The following COPA variants were observed in gnomAD, a reference collection of about 807,000 sequenced individuals.
The protein encoded by COPA is coat protein complex I subunit alpha.
Under a neutral mutation model 158.7 loss-of-function variants are expected in COPA, and 10 were observed. The observed-to-expected ratio is 0.06, with a 90% CI of 0.04 to 0.11. COPA has a LOEUF of 0.11. COPA is among the 10% of genes least tolerant of loss of function. The probability of loss-of-function intolerance (pLI) is 1.00; values close to 1 mark genes in which losing one functional copy is unlikely to be tolerated. For synonymous variants in COPA, 462 were observed against 542.8 expected, an observed-to-expected ratio of 0.85 and a Z score of 2.07; for missense variants, 1,065 against 1,536.7, an observed-to-expected ratio of 0.69 and a Z score of 5.13.
At chr1:160,341,716 T>C (rs1388438741) in intron 1 of COPA, among the ~76,000 whole-genome samples, 1 of 152,236 alleles carries the variant, frequency 6.6e-6, no homozygotes, top group East Asian at 1.9e-4. Flanking sequence ...AACTTTTTTT[T>C]TCTTGCATTT....
At chr1:160,323,591 G>C (rs2101860388) in intron 7 of COPA, 61 bp from the exon 8 acceptor site, 2 of 1,277,960 alleles carry the variant, frequency 1.6e-6, no homozygotes, top group East Asian at 5.1e-5. Flanking sequence ...GCAAACCAAT[G>C]AATCAAGCTA....
chr1:160,305,901 A>G lies in COPA; in HGVS notation c.1443-128T>C, dbSNP rs115184214. The G allele has an allele frequency of 4.6e-3, 3,597 of 777,080 alleles. 88 individuals carry two copies. The African/African-American group carries it at 0.055, about 12-fold the overall frequency. The allele number at this position is 777,080 out of a possible 1,614,324, so 48.1% of individuals were successfully genotyped here. A position where few individuals can be genotyped will look rare whatever the true frequency, so the allele number is the denominator to read the frequency against. The stretch of plus-strand genomic sequence containing the variant: ...CTTAATGTAATTCTAATTACATAAA[A>G]TACTTAATGTAATTCCTACATAGTA... On this transcript the variant is annotated intron_variant, in intron 15 of 32. Transcript: ENST00000241704.
At chr1:160,330,346 G>A (rs144324112) in intron 6 of COPA, among the ~76,000 whole-genome samples, 27 of 152,334 alleles carry the variant, frequency 1.8e-4, no homozygotes, top group South Asian at 2.1e-4. Context: ...AGCTCCTCCT[G>A]TTGGCATGGC....
chr1:160,315,208 TGAG>T (rs745732919), intron 8 of COPA, among the ~76,000 whole-genome samples: 1 of 152,214 alleles, frequency 6.6e-6, no homozygotes, highest in Non-Finnish European at 1.5e-5. Context: ...AAAGTGAGAC[TGAG>T]GAGGTCAACT....
intron 27 of COPA, 67 bp from the exon 28 acceptor site, chr1:160,292,687 A>T: frequency 7.4e-7 from 1 of 1,347,160 alleles, no homozygotes; most frequent in Non-Finnish European, 1.0e-6. Flanking sequence ...TCCTTGGGCA[A>T]GGTAATTAAT....
At chr1:160,313,900 G>A in intron 9 of COPA, 90 bp downstream of exon 9, 1 of 1,211,278 alleles carries the variant, frequency 8.3e-7, no homozygotes, top group Non-Finnish European at 1.1e-6. Context: ...TCTACATGCT[G>A]AAGATGATGA....
At chr1:160,330,285 TC>T (rs999246030) in intron 6 of COPA, among the ~76,000 whole-genome samples, 8 of 152,148 alleles carry the variant, frequency 5.3e-5, no homozygotes, top group Admixed American at 1.3e-4. Context: ...GATGCTAAGC[TC>T]CCTGGTACTG....
intron 1 of COPA, among the ~76,000 whole-genome samples, chr1:160,341,554 C>G (rs1277577071): frequency 6.6e-6 from 1 of 152,158 alleles, no homozygotes. Flanking sequence ...GTGCACTTAA[C>G]ATTTTAGTAC....
intron 32 of COPA, 98 bp downstream of exon 32, chr1:160,290,394 C>G (rs1658186000): frequency 4.8e-6 from 7 of 1,449,470 alleles, no homozygotes; most frequent in Non-Finnish European, 6.6e-6. Context: ...CCTCAGGGAG[C>G]AGGGGACAAG....
chr1:160,307,677 T>A (rs1372524117), intron 13 of COPA, among the ~76,000 whole-genome samples: 1 of 152,266 alleles, frequency 6.6e-6, no homozygotes, highest in Middle Eastern at 3.4e-3. Flanking sequence ...TAGGGCAGGG[T>A]GAGGCAGAGC....
At position 160,293,187 on chromosome 1, in the gene COPA, G is replaced by C; in HGVS notation, c.2802C>G (p.Gly934=). The C allele has an allele frequency of 6.2e-7, 1 of 1,614,186 alleles. No individual in the cohort carries two copies. Among genetic ancestry groups the C allele is most frequent in the South Asian group, 1.1e-5 (1 of 91,084 alleles). ...SQLPVDHILA[G]SFETAMRLLH... is the part of the protein sequence containing the mutation. ...TTACCCGCATGGCTGTTTCGAAAGA[G>C]CCTGCCAGGATGTGATCAACTGGAA... The change falls in exon 27 of 33, where the codon GGC becomes GGG. Residue 934 remains glycine (G), a synonymous_variant. Transcript: ENST00000241704.
chr1:160,295,792 T>C lies in COPA; in HGVS notation c.2420A>G (p.Asn807Ser), dbSNP rs199630217. 2 of 1,613,594 alleles carry C rather than the reference T, an allele frequency of 1.2e-6. No individual in the cohort carries two copies. The highest frequency in any genetic ancestry group is 1.7e-6 in the Non-Finnish European group (2 of 1,179,888). Residue 807 changes from asparagine (N) to serine (S), a missense_variant, in exon 23 of 33, where the codon AAT (asparagine) becomes AGT (serine). Physicochemically the swap from Asn to Ser is conservative, Grantham distance 46 (BLOSUM62 1). This residue lies in a region of COPA where 980 missense variants were observed against 1,357.8 expected (regional missense o/e 0.72). Coordinates refer to ENST00000241704, the MANE Select transcript of COPA (RefSeq NM_004371.4). ...TTTGGATACAGTCAATAAAGGCCAA[T>C]TGGTATCCAATGGCATGATAGGTGC... ...PPAPIMPLDTNWPLLTVSKGF... is the reference protein window; with the variant it reads ...PPAPIMPLDTSWPLLTVSKGF...
At chr1:160,315,235 T>C (rs1323321995) in intron 8 of COPA, among the ~76,000 whole-genome samples, 1 of 152,150 alleles carries the variant, frequency 6.6e-6, no homozygotes, top group South Asian at 2.1e-4. Flanking sequence ...TTCCCCATCT[T>C]CCTGGGTGCC....
At chr1:160,305,279 G>T in intron 17 of COPA, 154 bp downstream of exon 17, 1 of 635,066 alleles carries the variant, frequency 1.6e-6, no homozygotes, top group Non-Finnish European at 2.6e-6. Flanking sequence ...TAAAAAAGTT[G>T]AAAAAAGAAT....
At chr1:160,305,321 TA>T in intron 17 of COPA, 111 bp downstream of exon 17, 1 of 1,114,960 alleles carries the variant, frequency 9.0e-7, no homozygotes. Context: ...ATATGCCAGG[TA>T]AGGCTTTTCC....
chr1:160,317,129 C>A (rs1397469392), intron 8 of COPA, among the ~76,000 whole-genome samples: 1 of 152,136 alleles, frequency 6.6e-6, no homozygotes, highest in South Asian at 2.1e-4. Flanking sequence ...AATACTGTAC[C>A]CAGCAAGATT....
At chr1:160,319,228 G>A (rs570876686) in intron 8 of COPA, among the ~76,000 whole-genome samples, 3 of 152,102 alleles carry the variant, frequency 2.0e-5, no homozygotes, top group Admixed American at 6.5e-5. Context: ...AAGAGCAGGC[G>A]TAGCTATACT....
At position 160,335,228 on chromosome 1, in the gene COPA, C is replaced by A. The variant is rs776134249; in HGVS notation, c.309+14G>T. 2.5e-6 allele frequency: 4 copies of A among 1,599,988 alleles called. No homozygotes were observed. Among genetic ancestry groups the A allele is most frequent in the Admixed American group, 3.4e-5 (2 of 58,522 alleles). On this transcript the variant is annotated intron_variant, in intron 4 of 32. Transcript: ENST00000241704. ...TAAGAATGCTCCAAAACTAGCGCCACCATGACTACTTACATGATGAAAAAA... is the reference window on the plus strand; with the variant it reads ...TAAGAATGCTCCAAAACTAGCGCCAACATGACTACTTACATGATGAAAAAA...
At chr1:160,293,746 T>G (rs780125986) in intron 25 of COPA, among the ~76,000 whole-genome samples, 9 of 152,128 alleles carry the variant, frequency 5.9e-5, no homozygotes, top group Non-Finnish European at 7.4e-5. Context: ...TCTGCCTGGC[T>G]CAGCCTCCCA....
Sources: allele counts gnomAD v4.1 joint callset (sites outside exome capture counted in the v4.1 genomes callset), GRCh38; gene constraint gnomAD v4.1.1; regional missense constraint gnomAD v4.1.1; transcripts MANE v1.5; gene names NCBI Gene and HGNC (gene_info 2026-07-23, HGNC 2026-07-21).